RMRP: variants seen among roughly 807,000 people sequenced by gnomAD.
RMRP encodes RNA component of mitochondrial RNA processing endoribonuclease, also known as RNase MRP RNA.
At position 35,657,758 on chromosome 9, in the gene RMRP, C is replaced by A. The variant is rs769080777; in HGVS notation, n.260G>T. On this transcript the variant is annotated non_coding_transcript_exon_variant, in exon 1 of 1. Coordinates refer to ENST00000363046, the Ensembl canonical transcript of RMRP. ...TGGTCTCGGGAACAAAAAACAGCCG[C>A]GCTGAGAATGAGCCCCGTGTGGTTG... 3 of 686,776 alleles carry A rather than the reference C, an allele frequency of 4.4e-6. No individual in the cohort carries two copies. In the South Asian group the frequency reaches 4.5e-5, roughly 10 times the overall value. The allele number at this position is 686,776 out of a possible 1,614,324, so 42.5% of individuals were successfully genotyped here.
At chr9:35,657,956 G>C (rs1823623281) in exon 1 of RMRP, 1 of 700,440 alleles carries the variant, frequency 1.4e-6, no homozygotes, top group East Asian at 2.7e-5. Context: ...TTTCCCCTAG[G>C]CGGAAAGGGG....
rs749667892 is a variant in RMRP, at chr9:35,657,780, G to A, written n.238C>T. 2.1e-4 allele frequency: 144 copies of A among 697,042 alleles called. No homozygotes were observed. The highest frequency in any genetic ancestry group is 7.3e-5 in the Non-Finnish European group (28 of 382,054). The allele number at this position is 697,042 out of a possible 1,614,324, so 43.2% of individuals were successfully genotyped here. On this transcript the variant is annotated non_coding_transcript_exon_variant, in exon 1 of 1. Coordinates refer to ENST00000363046, the Ensembl canonical transcript of RMRP. ...CCGCGCTGAGAATGAGCCCCGTGTG[G>A]TTGGTGCGCGGACACGCACTGCCTG...
At chr9:35,657,884 T>A (rs765138079) in exon 1 of RMRP, 1 of 694,780 alleles carries the variant, frequency 1.4e-6, no homozygotes, top group African/African-American at 1.9e-5. Context: ...GACTTTGGAG[T>A]GGGAAGCGGG....
In RMRP at chr9:35,657,946, T is replaced by C; in HGVS notation, n.72A>G. Reference sequence around the variant, plus strand: ...CACTCTCTGCCCGAGGTCCGGGGACTTTCCCCTAGGCGGAAAGGGGAGGAA... The same window carrying C: ...CACTCTCTGCCCGAGGTCCGGGGACCTTCCCCTAGGCGGAAAGGGGAGGAA... On this transcript the variant is annotated non_coding_transcript_exon_variant, in exon 1 of 1. Transcript: ENST00000363046. 1.4e-6 allele frequency: 1 copy of C among 700,448 alleles called. No homozygotes were observed. The highest frequency in any genetic ancestry group is 2.6e-6 in the Non-Finnish European group (1 of 384,820). The allele number at this position is 700,448 out of a possible 1,614,324, so 43.4% of individuals were successfully genotyped here.
In RMRP at chr9:35,657,894, G is replaced by A. The variant is rs938089991; in HGVS notation, n.124C>T. ...TGGCGGACTTTGGAGTGGGAAGCGG[G>A]GAATGTCTACGTGCGTATGCACGTG... On this transcript the variant is annotated non_coding_transcript_exon_variant, in exon 1 of 1. Transcript: ENST00000363046. 1.4e-6 allele frequency: 1 copy of A among 697,288 alleles called. No individual in the cohort carries two copies. The highest frequency in any genetic ancestry group is 2.6e-6 in the Non-Finnish European group (1 of 384,756). 43.2% of individuals were successfully genotyped at this position (697,288 alleles called of 1,614,324 possible).
At chr9:35,657,958 G>C (rs1353190924) in exon 1 of RMRP, 2 of 700,462 alleles carry the variant, frequency 2.9e-6, no homozygotes, top group Non-Finnish European at 5.2e-6. Flanking sequence ...TCCCCTAGGC[G>C]GAAAGGGGAG....
In RMRP at chr9:35,657,968, G is replaced by C. The variant is rs1064793373; in HGVS notation, n.50C>G. 1 of 700,342 alleles carries C rather than the reference G, an allele frequency of 1.4e-6. No individual in the cohort carries two copies. Among genetic ancestry groups the C allele is most frequent in the South Asian group, 1.5e-5 (1 of 67,516 alleles). The allele number at this position is 700,342 out of a possible 1,614,324, so 43.4% of individuals were successfully genotyped here. On this transcript the variant is annotated non_coding_transcript_exon_variant, in exon 1 of 1. Transcript: ENST00000363046. ...GACTTTCCCCTAGGCGGAAAGGGGA[G>C]GAACAGAGTCCTCAGTGTGTAGCCT...
rs1384419955 is a variant in RMRP at position 35,657,821 on chromosome 9, C to T, written n.197G>A. 1.4e-6 allele frequency: 1 copy of T among 692,894 alleles called. No homozygotes were observed. Among genetic ancestry groups the T allele is most frequent in the Non-Finnish European group, 2.6e-6 (1 of 384,730 alleles). 42.9% of individuals were successfully genotyped at this position (692,894 alleles called of 1,614,324 possible). The stretch of plus-strand genomic sequence containing the variant: ...GCACTGCCTGCGTAACTAGAGGGAG[C>T]TGACGGATGACGCCCCCGCGCCACG... On this transcript the variant is annotated non_coding_transcript_exon_variant, in exon 1 of 1. Coordinates refer to ENST00000363046, the Ensembl canonical transcript of RMRP.
chr9:35,657,954 A>C (rs1357036842), exon 1 of RMRP: 3 of 700,448 alleles, frequency 4.3e-6, no homozygotes, highest in Non-Finnish European at 7.8e-6. Flanking sequence ...ACTTTCCCCT[A>C]GGCGGAAAGG....
At chr9:35,657,889 A>G (rs1327396991) in exon 1 of RMRP, 1 of 700,464 alleles carries the variant, frequency 1.4e-6, no homozygotes, top group Non-Finnish European at 2.6e-6. Context: ...TGGAGTGGGA[A>G]GCGGGGAATG....
exon 1 of RMRP, chr9:35,657,934 AGGTCCGG>A: frequency 1.4e-6 from 1 of 700,436 alleles, no homozygotes; most frequent in Non-Finnish European, 2.6e-6. Flanking sequence ...TCTCTGCCCG[AGGTCCGG>A]GGACTTTCCC....
chr9:35,658,008 C>T lies in RMRP; in HGVS notation n.10G>A, dbSNP rs1466108662. On this transcript the variant is annotated non_coding_transcript_exon_variant, in exon 1 of 1. Transcript: ENST00000363046. ...GTGTGTAGCCTAGGATACAGGCCTTCAGCACGAACCACGTCCTCAGCTTCA... is the reference window on the plus strand; with the variant it reads ...GTGTGTAGCCTAGGATACAGGCCTTTAGCACGAACCACGTCCTCAGCTTCA... 1.4e-6 allele frequency: 1 copy of T among 692,448 alleles called. No individual in the cohort carries two copies. Among genetic ancestry groups the T allele is most frequent in the Non-Finnish European group, 2.6e-6 (1 of 378,608 alleles). The allele number at this position is 692,448 out of a possible 1,614,324, so 42.9% of individuals were successfully genotyped here. A position where few individuals can be genotyped will look rare whatever the true frequency, so the allele number is the denominator to read the frequency against.
exon 1 of RMRP, chr9:35,657,834 C>G (rs908555769): frequency 2.9e-6 from 2 of 693,198 alleles, no homozygotes; most frequent in Admixed American, 2.0e-5. Context: ...ACGGATGACG[C>G]CCCCGCGCCA....
rs552002151 is a variant in RMRP at position 35,658,013 on chromosome 9, C to T, written n.5G>A. 7 of 691,520 alleles carry T rather than the reference C, an allele frequency of 1.0e-5. No homozygotes were observed. The highest frequency in any genetic ancestry group is 3.0e-5 in the South Asian group (2 of 67,226). 42.8% of individuals were successfully genotyped at this position (691,520 alleles called of 1,614,324 possible). ...TAGCCTAGGATACAGGCCTTCAGCA[C>T]GAACCACGTCCTCAGCTTCACAGAG... On this transcript the variant is annotated non_coding_transcript_exon_variant, in exon 1 of 1. Transcript: ENST00000363046.
In RMRP at chr9:35,657,797, C is replaced by T. The variant is rs924622406; in HGVS notation, n.221G>A. ...CCCGTGTGGTTGGTGCGCGGACACG[C>T]ACTGCCTGCGTAACTAGAGGGAGCT... On this transcript the variant is annotated non_coding_transcript_exon_variant, in exon 1 of 1. Coordinates refer to ENST00000363046, the Ensembl canonical transcript of RMRP. 7 of 699,852 alleles carry T rather than the reference C, an allele frequency of 1.0e-5. No homozygotes were observed. The highest frequency in any genetic ancestry group is 2.7e-5 in the East Asian group (1 of 37,298). 43.4% of individuals were successfully genotyped at this position (699,852 alleles called of 1,614,324 possible). A position where few individuals can be genotyped will look rare whatever the true frequency, so the allele number is the denominator to read the frequency against.
At position 35,657,954 on chromosome 9, in the gene RMRP, A is replaced by T. The variant is rs1357036842; in HGVS notation, n.64T>A. On this transcript the variant is annotated non_coding_transcript_exon_variant, in exon 1 of 1. Coordinates refer to ENST00000363046, the Ensembl canonical transcript of RMRP. ...GCCCGAGGTCCGGGGACTTTCCCCT[A>T]GGCGGAAAGGGGAGGAACAGAGTCC... The T allele has an allele frequency of 1.4e-6, 1 of 700,448 alleles. No individual in the cohort carries two copies. The highest frequency in any genetic ancestry group is 2.7e-5 in the East Asian group (1 of 37,290). The allele number at this position is 700,448 out of a possible 1,614,324, so 43.4% of individuals were successfully genotyped here. A position where few individuals can be genotyped will look rare whatever the true frequency, so the allele number is the denominator to read the frequency against.
chr9:35,657,790 G>C, exon 1 of RMRP: 1 of 697,894 alleles, frequency 1.4e-6, no homozygotes, highest in South Asian at 1.5e-5. Context: ...GTTGGTGCGC[G>C]GACACGCACT....
rs756285919 is a variant in RMRP at position 35,657,869 on chromosome 9, T to C, written n.149A>G. 25 of 693,288 alleles carry C rather than the reference T, an allele frequency of 3.6e-5. No individual in the cohort carries two copies. Among genetic ancestry groups the C allele is most frequent in the Middle Eastern group, 3.7e-4 (1 of 2,738 alleles). The allele number at this position is 693,288 out of a possible 1,614,324, so 42.9% of individuals were successfully genotyped here. A position where few individuals can be genotyped will look rare whatever the true frequency, so the allele number is the denominator to read the frequency against. ...ACGCCGCTCAGCGGGATACGCTTCT[T>C]GGCGGACTTTGGAGTGGGAAGCGGG... On this transcript the variant is annotated non_coding_transcript_exon_variant, in exon 1 of 1. Coordinates refer to ENST00000363046, the Ensembl canonical transcript of RMRP.
rs765138079 is a variant in RMRP at position 35,657,884 on chromosome 9, T to G, written n.134A>C. 8 of 694,780 alleles carry G rather than the reference T, an allele frequency of 1.2e-5. No homozygotes were observed. The highest frequency in any genetic ancestry group is 3.6e-4 in the Middle Eastern group (1 of 2,744). 43.0% of individuals were successfully genotyped at this position (694,780 alleles called of 1,614,324 possible). A position where few individuals can be genotyped will look rare whatever the true frequency, so the allele number is the denominator to read the frequency against. On this transcript the variant is annotated non_coding_transcript_exon_variant, in exon 1 of 1. Coordinates refer to ENST00000363046, the Ensembl canonical transcript of RMRP. ...ATACGCTTCTTGGCGGACTTTGGAG[T>G]GGGAAGCGGGGAATGTCTACGTGCG... is the stretch of plus-strand genomic sequence containing the variant.
Sources: allele counts gnomAD v4.1 joint callset, GRCh38; gene constraint gnomAD v4.1.1; transcripts MANE v1.5; gene names NCBI Gene and HGNC (gene_info 2026-07-23, HGNC 2026-07-21).